Variants in CHD9 observed in about 807,000 individuals in gnomAD.
CHD9 encodes the protein ATP-dependent chromatin remodeler CHD9.
A neutral mutation model predicts 316.1 loss-of-function variants in CHD9; 77 were observed. That is an observed-to-expected ratio of 0.24 (90% CI 0.20 to 0.29). The LOEUF is 0.29. Ranked by LOEUF, CHD9 falls within the 10% of genes least tolerant of loss-of-function variation. The pLI is 1.00. For missense variants in CHD9, 2,763 were observed against 3,438.1 expected (o/e 0.80, Z 4.91); for synonymous variants, 1,129 against 1,158.3 (o/e 0.97, Z 0.51).
At chr16:53,303,524 G>A (rs2055645648) in intron 30 of CHD9, among the ~76,000 whole-genome samples, 196 bp from the exon 31 acceptor site, 1 of 151,882 alleles carries the variant, frequency 6.6e-6, no homozygotes, top group Non-Finnish European at 1.5e-5. Context: ...AGCTTTTACT[G>A]AAATTTCAAA....
At chr16:53,163,489 C>T (rs559178390) in intron 2 of CHD9, among the ~76,000 whole-genome samples, 64 of 152,194 alleles carry the variant, frequency 4.2e-4, no homozygotes, top group Non-Finnish European at 2.8e-4. Flanking sequence ...GGATTACAGG[C>T]GTGAGCCACT....
At chr16:53,247,094 G>C (rs1463660697) in intron 15 of CHD9, among the ~76,000 whole-genome samples, 199 bp from the exon 16 acceptor site, 1 of 152,230 alleles carries the variant, frequency 6.6e-6, no homozygotes, top group Non-Finnish European at 1.5e-5. Flanking sequence ...GACCTTGTCT[G>C]TGTCCTCAAT....
At chr16:53,233,844 G>A (rs1209826327) in intron 10 of CHD9, among the ~76,000 whole-genome samples, 3 of 152,192 alleles carry the variant, frequency 2.0e-5, no homozygotes, top group Non-Finnish European at 4.4e-5. Flanking sequence ...TCTTAGAAGT[G>A]TAATTTTGTT....
At chr16:53,121,461 AGT>A in intron 1 of CHD9, 1 of 456,020 alleles carries the variant, frequency 2.2e-6, no homozygotes, top group South Asian at 1.5e-5. Flanking sequence ...AAAGCAGAAC[AGT>A]GTTAAGATTT....
intron 2 of CHD9, chr16:53,208,026 T>C: frequency 1.0e-6 from 1 of 995,200 alleles, no homozygotes; most frequent in Non-Finnish European, 1.2e-6. Context: ...GTGCATTCAT[T>C]TCTTTCTGTG....
At chr16:53,258,798 T>G (rs980790184) in intron 19 of CHD9, among the ~76,000 whole-genome samples, 3 of 152,142 alleles carry the variant, frequency 2.0e-5, no homozygotes, top group African/African-American at 7.2e-5. Flanking sequence ...TGAGAGATTT[T>G]TATAAGGGCA....
chr16:53,187,472 T>C (rs1332385931), intron 2 of CHD9, among the ~76,000 whole-genome samples: 1 of 151,990 alleles, frequency 6.6e-6, no homozygotes, highest in Non-Finnish European at 1.5e-5. Flanking sequence ...CACCACTCAC[T>C]GCAGCCTGGG....
At chr16:53,276,556 A>G (rs1268746369) in intron 24 of CHD9, among the ~76,000 whole-genome samples, 3 of 152,142 alleles carry the variant, frequency 2.0e-5, no homozygotes, top group African/African-American at 4.8e-5. Context: ...TTACTTGCAT[A>G]TATGTCCACC....
intron 1 of CHD9, among the ~76,000 whole-genome samples, chr16:53,101,273 CTT>C (rs1012377760): frequency 1.1e-4 from 14 of 124,834 alleles, no homozygotes; most frequent in East Asian, 6.9e-4. Flanking sequence ...TTTTCCTTTT[CTT>C]TTTTTTTTTT....
chr16:53,136,627 G>A (rs973842431), intron 1 of CHD9, among the ~76,000 whole-genome samples: 3 of 151,780 alleles, frequency 2.0e-5, no homozygotes, highest in African/African-American at 4.8e-5. Context: ...TTGAAGCAAC[G>A]GAGGTACAGA....
intron 2 of CHD9, among the ~76,000 whole-genome samples, chr16:53,203,679 T>G (rs1298972829): frequency 6.6e-6 from 1 of 152,118 alleles, no homozygotes; most frequent in Non-Finnish European, 1.5e-5. Flanking sequence ...TGTGTTTTAT[T>G]TTTACTAAGG....
chr16:53,061,083 T>A (rs1425677337), intron 1 of CHD9, among the ~76,000 whole-genome samples: 1 of 152,018 alleles, frequency 6.6e-6, no homozygotes, highest in Non-Finnish European at 1.5e-5. Context: ...CCCACTGCCA[T>A]GCCTGGCTAA....
Position 53,249,946 on chromosome 16 carries a change from T to C in CHD9, c.3741T>C (p.Pro1247=). The C allele has an allele frequency of 6.2e-7, 1 of 1,613,838 alleles. No homozygotes were observed. Among genetic ancestry groups the C allele is most frequent in the Non-Finnish European group, 8.5e-7 (1 of 1,179,776 alleles). Reference sequence around the variant, plus strand: ...CTGCTATAGATAGATTTAGTAAACCTGATTCAGATAGATTTGTTTTTCTCC... The same window carrying C: ...CTGCTATAGATAGATTTAGTAAACCCGATTCAGATAGATTTGTTTTTCTCC... The part of the protein sequence containing the change: ...RQAAIDRFSK[P]DSDRFVFLLC... The change falls in exon 17 of 39, where the codon CCT becomes CCC. Residue 1247 remains proline (P), a synonymous_variant. Transcript: ENST00000447540.
At chr16:53,180,301 C>T (rs1007370065) in intron 2 of CHD9, among the ~76,000 whole-genome samples, 1 of 152,156 alleles carries the variant, frequency 6.6e-6, no homozygotes, top group African/African-American at 2.4e-5. Context: ...GCCACCGCCC[C>T]CGGCCTTACC....
At chr16:53,195,206 G>A (rs1296456020) in intron 2 of CHD9, among the ~76,000 whole-genome samples, 2 of 152,164 alleles carry the variant, frequency 1.3e-5, no homozygotes, top group African/African-American at 4.8e-5. Flanking sequence ...GCCTGCTATG[G>A]CCTAAAAGCT....
chr16:53,106,827 T>G (rs2037397566), intron 1 of CHD9, among the ~76,000 whole-genome samples: 1 of 152,104 alleles, frequency 6.6e-6, no homozygotes, highest in African/African-American at 2.4e-5. Context: ...TTAGAAGAGG[T>G]AATGTGTATG....
chr16:53,205,250 A>G (rs1476957087), intron 2 of CHD9, among the ~76,000 whole-genome samples: 1 of 152,256 alleles, frequency 6.6e-6, no homozygotes. Flanking sequence ...AATTGCAAGC[A>G]TAGTACAAAT....
At chr16:53,060,227 A>G (rs967454809) in intron 1 of CHD9, among the ~76,000 whole-genome samples, 1 of 151,764 alleles carries the variant, frequency 6.6e-6, no homozygotes, top group African/African-American at 2.4e-5. Flanking sequence ...CTTAGCTCAC[A>G]GGCTATACAA....
At chr16:53,216,654 T>C (rs1340446109) in intron 3 of CHD9, among the ~76,000 whole-genome samples, 1 of 152,200 alleles carries the variant, frequency 6.6e-6, no homozygotes, top group Non-Finnish European at 1.5e-5. Context: ...AAAAGCACTT[T>C]AAAATTTTAA....
Sources: gnomAD v4.1 joint callset for allele counts (sites outside exome capture counted in the v4.1 genomes callset) on GRCh38, gnomAD v4.1.1 for gene constraint, MANE v1.5 for transcripts, NCBI Gene and HGNC (gene_info 2026-07-23, HGNC 2026-07-21) for gene names.